The following NRP1 variants were observed in gnomAD, a reference collection of about 807,000 sequenced individuals.
The protein encoded by NRP1 is neuropilin-1.
NRP1 carries 35 observed loss-of-function variants against 106.7 expected under a neutral mutation model. The observed-to-expected ratio is 0.33, with a 90% CI of 0.25 to 0.43. NRP1 has a LOEUF of 0.43. Ranked by LOEUF, NRP1 falls within the 20% of genes least tolerant of loss-of-function variation. NRP1 has a pLI of 1.00. For missense variants in NRP1, 1,024 were observed against 1,170.4 expected, an observed-to-expected ratio of 0.87 and a Z score of 1.83; for synonymous variants, 437 against 417.9, an observed-to-expected ratio of 1.05 and a Z score of -0.56.
chr10:33,226,261 G>C lies in NRP1; in HGVS notation c.1010C>G (p.Thr337Arg), dbSNP rs142121081. The change falls in exon 7 of 17, where the codon ACG (threonine) becomes AGG (arginine). Residue 337 changes from threonine (T) to arginine (R), a missense_variant. Coordinates refer to ENST00000374867, the MANE Select transcript of NRP1 (RefSeq NM_003873.7). The stretch of plus-strand genomic sequence containing the variant: ...AATGGCGCCCTGTGTCCCGACAGCC[G>C]TGACAAAGCGCAGAAGGCCCAAGTC... ...QVDLGLLRFVTAVGTQGAISK... is the reference protein window; with the variant it reads ...QVDLGLLRFVRAVGTQGAISK... 10 of 1,613,986 alleles carry C rather than the reference G, an allele frequency of 6.2e-6. No individual in the cohort carries two copies. Among genetic ancestry groups the C allele is most frequent in the African/African-American group, 4.0e-5 (3 of 74,924 alleles).
intron 10 of NRP1, chr10:33,205,848 A>T (rs1214064321): frequency 5.4e-6 from 1 of 186,054 alleles, no homozygotes; most frequent in East Asian, 1.4e-4. Flanking sequence ...TTCCCCCTAA[A>T]CCATAATTTC....
chr10:33,310,771 G>A (rs895830219), intron 2 of NRP1, among the ~76,000 whole-genome samples: 1 of 152,104 alleles, frequency 6.6e-6, no homozygotes, highest in South Asian at 2.1e-4. Flanking sequence ...AGAAATAAGC[G>A]TGAAATGGAA....
intron 2 of NRP1, among the ~76,000 whole-genome samples, chr10:33,312,441 T>C (rs1846671011): frequency 6.6e-6 from 1 of 152,234 alleles, no homozygotes. Context: ...AACCAGTGGT[T>C]ACAAAGAGCT....
chr10:33,188,924 TATATATATATATAA>T (rs1428374925), intron 13 of NRP1, among the ~76,000 whole-genome samples: 1 of 141,814 alleles, frequency 7.1e-6, no homozygotes, highest in African/African-American at 2.7e-5. Flanking sequence ...TATATATATA[TATATATATATATAA>T]ATTAAAACTG....
chr10:33,199,382 T>TATATATAC (rs1163558074), intron 11 of NRP1, among the ~76,000 whole-genome samples: 2 of 71,120 alleles, frequency 2.8e-5, no homozygotes, highest in African/African-American at 1.2e-4. Context: ...TATATATATA[T>TATATATAC]ATATATATTT....
intron 2 of NRP1, among the ~76,000 whole-genome samples, chr10:33,280,323 A>G (rs7071820): frequency 0.016 from 2,396 of 152,310 alleles, 60 homozygotes; most frequent in African/African-American, 0.055. Flanking sequence ...CCTTAAAACA[A>G]CTGTGTTCCA....
intron 6 of NRP1, among the ~76,000 whole-genome samples, chr10:33,248,734 T>TG (rs147237040): frequency 0.18 from 26,711 of 152,062 alleles, 2,735 homozygotes; most frequent in East Asian, 0.51. Context: ...GAAGAGGCTC[T>TG]TGCCTCAAGG....
intron 6 of NRP1, among the ~76,000 whole-genome samples, chr10:33,242,152 G>A (rs1250149218): frequency 6.6e-6 from 1 of 151,996 alleles, no homozygotes; most frequent in Non-Finnish European, 1.5e-5. Context: ...ACTCCCCCCA[G>A]AAGACACAGG....
chr10:33,327,168 G>A (rs1847950712), intron 2 of NRP1, among the ~76,000 whole-genome samples: 3 of 152,130 alleles, frequency 2.0e-5, no homozygotes, highest in Non-Finnish European at 2.9e-5. Context: ...GGTGTATCAT[G>A]TGCAAATCAT....
intron 15 of NRP1, among the ~76,000 whole-genome samples, chr10:33,183,954 G>C (rs1835845034): frequency 6.6e-6 from 1 of 152,104 alleles, no homozygotes; most frequent in African/African-American, 2.4e-5. Context: ...AAAAGAAAAA[G>C]TCCCATAGAA....
intron 12 of NRP1, chr10:33,195,566 G>T: frequency 1.9e-6 from 1 of 533,404 alleles, no homozygotes; most frequent in Non-Finnish European, 3.8e-6. Context: ...GATGCTTGAA[G>T]AATCTGGAGC....
chr10:33,243,557 G>A (rs904845644), intron 6 of NRP1, among the ~76,000 whole-genome samples: 3 of 152,208 alleles, frequency 2.0e-5, no homozygotes, highest in African/African-American at 7.2e-5. Context: ...CATTGGAATT[G>A]TAGGAAGAAT....
chr10:33,213,959 C>T (rs1838540920), intron 8 of NRP1, among the ~76,000 whole-genome samples: 1 of 152,112 alleles, frequency 6.6e-6, no homozygotes, highest in African/African-American at 2.4e-5. Context: ...ATACATTTCC[C>T]CCGCTTTGAC....
intron 6 of NRP1, among the ~76,000 whole-genome samples, chr10:33,232,933 C>G (rs765791560): frequency 3.9e-5 from 6 of 152,088 alleles, no homozygotes; most frequent in African/African-American, 7.2e-5. Context: ...CAGGCATGAG[C>G]CACCGTGCCC....
At chr10:33,334,105 C>T (rs1848462973) in intron 1 of NRP1, among the ~76,000 whole-genome samples, 1 of 152,220 alleles carries the variant, frequency 6.6e-6, no homozygotes, top group Non-Finnish European at 1.5e-5. Flanking sequence ...GGATCAACGT[C>T]AGGAGGGAGC....
In NRP1 at chr10:33,334,487, A is replaced by G. The variant is rs948188098; in HGVS notation, c.-105T>C. 8.3e-6 allele frequency: 8 copies of G among 966,890 alleles called. No individual in the cohort carries two copies. Among genetic ancestry groups the G allele is most frequent in the Admixed American group, 2.3e-5 (1 of 43,882 alleles). 59.9% of individuals were successfully genotyped at this position (966,890 alleles called of 1,614,324 possible). A position where few individuals can be genotyped will look rare whatever the true frequency, so the allele number is the denominator to read the frequency against. On this transcript the variant is annotated 5_prime_UTR_variant, in exon 1 of 17. Coordinates refer to ENST00000374867, the MANE Select transcript of NRP1 (RefSeq NM_003873.7). ...GATCCGAAGAGCCCCAACTCCGCCT[A>G]GAGCTGTACAATCCTCAGCCCGTCT... is the stretch of plus-strand genomic sequence containing the variant.
chr10:33,229,821 ATT>A (rs200494335), intron 6 of NRP1, among the ~76,000 whole-genome samples: 1 of 150,474 alleles, frequency 6.6e-6, no homozygotes, highest in African/African-American at 2.4e-5. Context: ...AAAAAGAAAG[ATT>A]TTTTTTTTCT....
intron 2 of NRP1, among the ~76,000 whole-genome samples, chr10:33,294,473 C>T (rs1031186230): frequency 1.3e-4 from 20 of 151,906 alleles, no homozygotes; most frequent in African/African-American, 3.9e-4. Flanking sequence ...CAAAATTAGC[C>T]GGTCATTGGT....
intron 2 of NRP1, among the ~76,000 whole-genome samples, chr10:33,272,130 C>A (rs75811457): frequency 6.6e-6 from 1 of 152,142 alleles, no homozygotes; most frequent in African/African-American, 2.4e-5. Context: ...CTGCCCGGGA[C>A]GCATGACTTA....
Sources: allele counts gnomAD v4.1 joint callset (sites outside exome capture counted in the v4.1 genomes callset), GRCh38; gene constraint gnomAD v4.1.1; transcripts MANE v1.5; gene names NCBI Gene and HGNC (gene_info 2026-07-23, HGNC 2026-07-21).